The following TBX20 variants were observed in gnomAD, a reference collection of about 807,000 sequenced individuals.
TBX20 encodes T-box transcription factor 20.
TBX20 carries 8 observed loss-of-function variants against 42.9 expected under a neutral mutation model. The ratio of observed to expected loss-of-function variants is 0.19; its 90% CI spans 0.11 to 0.34. The LOEUF (loss-of-function observed/expected upper bound fraction) is 0.34, where lower values mean the gene tolerates loss of function less well. Among genes scored for constraint, TBX20 ranks in the 10% least tolerant of loss-of-function variants. The pLI is 1.00. For synonymous variants in TBX20, 198 were observed against 222.8 expected (o/e 0.89, Z 0.99); for missense variants, 411 against 566.0 (o/e 0.73, Z 2.78).
chr7:35,232,791 G>T (rs1156242296), intron 5 of TBX20, among the ~76,000 whole-genome samples: 2 of 152,174 alleles, frequency 1.3e-5, no homozygotes. Flanking sequence ...TTGGGAGACC[G>T]AGGTGGGCAG....
chr7:35,211,484 G>T (rs10242954), intron 6 of TBX20, among the ~76,000 whole-genome samples: 41,253 of 151,912 alleles, frequency 0.27, 6,518 homozygotes, highest in Non-Finnish European at 0.35. Context: ...TTTTTTGAAA[G>T]ATATTTTTGC....
At chr7:35,231,655 C>T in intron 5 of TBX20, 75 bp from the exon 6 acceptor site, 1 of 927,492 alleles carries the variant, frequency 1.1e-6, no homozygotes. Flanking sequence ...TTTGTTCATT[C>T]TCCATAGCAC....
rs191362319 is a variant in TBX20, at chr7:35,245,065, A to T, written c.546-8T>A. ...TCTGGATGCACATAGAGCCTAAGAA[A>T]ATTAGGAGAAAACTTTATTGAGACT... On this transcript the variant is annotated splice_region_variant and splice_polypyrimidine_tract_variant and intron_variant, in intron 3 of 7. Coordinates refer to ENST00000408931, the MANE Select transcript of TBX20 (RefSeq NM_001077653.2). 45 of 1,594,188 alleles carry T rather than the reference A, an allele frequency of 2.8e-5. 1 individual carries two copies. In the African/African-American group the frequency reaches 4.3e-4, roughly 15 times the overall value.
intron 6 of TBX20, among the ~76,000 whole-genome samples, chr7:35,216,220 A>C (rs1286192694): frequency 6.6e-6 from 1 of 152,156 alleles, no homozygotes; most frequent in East Asian, 1.9e-4. Context: ...GCCAAGCACC[A>C]TCCTAGAGTT....
chr7:35,215,764 C>T (rs1489756110), intron 6 of TBX20, among the ~76,000 whole-genome samples: 1 of 152,068 alleles, frequency 6.6e-6, no homozygotes, highest in Non-Finnish European at 1.5e-5. Context: ...ATGGTACACA[C>T]GTCAGAGACA....
intron 7 of TBX20, among the ~76,000 whole-genome samples, chr7:35,203,446 T>A (rs1789341407): frequency 6.6e-6 from 1 of 151,980 alleles, no homozygotes; most frequent in African/African-American, 2.4e-5. Flanking sequence ...ATCTGCCAAC[T>A]CAGTGTGAAG....
chr7:35,220,714 G>T (rs1271438171), intron 6 of TBX20, among the ~76,000 whole-genome samples: 7 of 151,994 alleles, frequency 4.6e-5, no homozygotes, highest in Non-Finnish European at 1.0e-4. Context: ...AAAAATAACT[G>T]GACATTACAA....
At chr7:35,245,324 G>GTGTGTGTA (rs1554287412) in intron 3 of TBX20, among the ~76,000 whole-genome samples, 1 of 151,066 alleles carries the variant, frequency 6.6e-6, no homozygotes, top group Admixed American at 6.6e-5. Context: ...AAAGGGGTGT[G>GTGTGTGTA]TGTGTGTGTG....
chr7:35,246,371 T>G (rs1391324228), intron 3 of TBX20, among the ~76,000 whole-genome samples: 1 of 152,138 alleles, frequency 6.6e-6, no homozygotes, highest in African/African-American at 2.4e-5. Flanking sequence ...CTTCCAAGAC[T>G]GTAGCTTTAT....
intron 3 of TBX20, among the ~76,000 whole-genome samples, chr7:35,247,056 T>C (rs1204273737): frequency 6.6e-6 from 1 of 150,770 alleles, no homozygotes; most frequent in Non-Finnish European, 1.5e-5. Context: ...ACAAGGCATG[T>C]CATATTTCCA....
chr7:35,223,342 G>T (rs1345920089), intron 6 of TBX20, among the ~76,000 whole-genome samples: 1 of 152,194 alleles, frequency 6.6e-6, no homozygotes, highest in African/African-American at 2.4e-5. Context: ...TCAGATATTT[G>T]AATCTGGAGA....
At chr7:35,211,021 G>T (rs1307291487) in intron 6 of TBX20, among the ~76,000 whole-genome samples, 2 of 151,228 alleles carry the variant, frequency 1.3e-5, no homozygotes, top group African/African-American at 4.9e-5. Flanking sequence ...GTTCTTTGTT[G>T]GTTTATTAGA....
chr7:35,238,731 T>C (rs1001287505), intron 5 of TBX20, among the ~76,000 whole-genome samples: 7 of 152,236 alleles, frequency 4.6e-5, no homozygotes, highest in African/African-American at 1.7e-4. Context: ...GGCTTCCATC[T>C]AAACCCCAAC....
intron 6 of TBX20, among the ~76,000 whole-genome samples, chr7:35,223,915 TGAGA>T (rs1418426738): frequency 9.2e-5 from 14 of 152,078 alleles, no homozygotes; most frequent in Non-Finnish European, 4.4e-5. Context: ...AGGATATTGA[TGAGA>T]GAGAGAATAT....
At chr7:35,221,454 T>C (rs1216648733) in intron 6 of TBX20, among the ~76,000 whole-genome samples, 2 of 152,098 alleles carry the variant, frequency 1.3e-5, no homozygotes, top group African/African-American at 4.8e-5. Context: ...ATTTCAAAGA[T>C]TGAGAAAACT....
intron 6 of TBX20, among the ~76,000 whole-genome samples, chr7:35,214,097 T>C (rs1035440280): frequency 3.9e-5 from 6 of 152,126 alleles, no homozygotes; most frequent in Admixed American, 3.3e-4. Flanking sequence ...TTCCCTAAAA[T>C]AGTGTCTGGC....
intron 4 of TBX20, among the ~76,000 whole-genome samples, chr7:35,241,896 T>C (rs1191633692): frequency 6.6e-6 from 1 of 152,154 alleles, no homozygotes; most frequent in Non-Finnish European, 1.5e-5. Context: ...CAATTTCAGA[T>C]ATAAAAGGTT....
intron 6 of TBX20, among the ~76,000 whole-genome samples, chr7:35,227,886 TGA>T (rs1789802637): frequency 6.6e-6 from 1 of 152,146 alleles, no homozygotes; most frequent in Non-Finnish European, 1.5e-5. Context: ...CGGATAGCAG[TGA>T]TGGTTATGTG....
intron 2 of TBX20, 99 bp from the exon 3 acceptor site, chr7:35,248,940 G>C: frequency 2.1e-6 from 3 of 1,424,004 alleles, no homozygotes; most frequent in Non-Finnish European, 2.9e-6. Flanking sequence ...GGAGGGAAAG[G>C]GTCTGACTCC....
Sources: allele counts gnomAD v4.1 joint callset (sites outside exome capture counted in the v4.1 genomes callset), GRCh38; gene constraint gnomAD v4.1.1; transcripts MANE v1.5; gene names NCBI Gene and HGNC (gene_info 2026-07-23, HGNC 2026-07-21).